Variants in C8orf34 observed in about 807,000 individuals in gnomAD.
C8orf34 encodes the protein chromosome 8 open reading frame 34, also known as uncharacterized protein C8orf34.
In C8orf34, 65 loss-of-function variants were observed where a neutral mutation model predicts 68.3. That is an observed-to-expected ratio of 0.95 (90% CI 0.78 to 1.17). The LOEUF (loss-of-function observed/expected upper bound fraction) is 1.17, where lower values mean the gene tolerates loss of function less well. Among genes scored for constraint, C8orf34 ranks in the 50% most tolerant of loss-of-function variants. C8orf34 has a pLI of 0.00. For synonymous variants in C8orf34, 244 were observed against 241.2 expected, an observed-to-expected ratio of 1.01 and a Z score of -0.11; for missense variants, 664 against 655.4, an observed-to-expected ratio of 1.01 and a Z score of -0.14.
At chr8:68,572,275 GC>G (rs1275139277) in intron 7 of C8orf34, among the ~76,000 whole-genome samples, 1 of 150,850 alleles carries the variant, frequency 6.6e-6, no homozygotes, top group Non-Finnish European at 1.5e-5. Flanking sequence ...AGTATTTCAA[GC>G]AAAAAATTTG....
intron 8 of C8orf34, among the ~76,000 whole-genome samples, chr8:68,675,925 G>C (rs1820174065): frequency 6.6e-6 from 1 of 152,090 alleles, no homozygotes; most frequent in African/African-American, 2.4e-5. Flanking sequence ...GACCAAAAAA[G>C]AGCAGGAGTA....
At chr8:68,673,907 C>T (rs1349366976) in intron 8 of C8orf34, among the ~76,000 whole-genome samples, 1 of 152,140 alleles carries the variant, frequency 6.6e-6, no homozygotes, top group Non-Finnish European at 1.5e-5. Flanking sequence ...TGTTACTCCT[C>T]CCCCAGCTCC....
At chr8:68,492,240 T>A (rs1813343697) in intron 5 of C8orf34, among the ~76,000 whole-genome samples, 1 of 152,114 alleles carries the variant, frequency 6.6e-6, no homozygotes, top group African/African-American at 2.4e-5. Flanking sequence ...TTTATTTTAT[T>A]TTTAATGGAG....
rs552564162 is a variant in C8orf34, at chr8:68,331,783, C to CTTTTTTTTTTTTTTTTTTTTTTTTTTTT, written c.327+446_327+473dup. Reference sequence around the variant, plus strand: ...CTTTTTTCTTTTCTTTTCTTTCCTTCTTTTTTTTTTTTTTTTTTTTTTTTT... The same window carrying CTTTTTTTTTTTTTTTTTTTTTTTTTTTT: ...CTTTTTTCTTTTCTTTTCTTTCCTTCTTTTTTTTTTTTTTTTTTTTTTTTTTTTTTTTTTTTTTTTTTTTTTTTTTTTT... On this transcript the variant is annotated intron_variant, in intron 1 of 13. Coordinates refer to ENST00000518698, the MANE Select transcript of C8orf34 (RefSeq NM_052958.4). Among the ~76,000 whole-genome samples, 20 of 29,468 alleles carry CTTTTTTTTTTTTTTTTTTTTTTTTTTTT rather than the reference C, an allele frequency of 6.8e-4. 4 individuals are homozygous for CTTTTTTTTTTTTTTTTTTTTTTTTTTTT. The highest frequency in any genetic ancestry group is 8.9e-4 in the Non-Finnish European group (13 of 14,630). The allele number at this position is 29,468 out of a possible 152,430, so 19.3% of individuals were successfully genotyped here.
intron 8 of C8orf34, among the ~76,000 whole-genome samples, chr8:68,652,037 C>T (rs1819375618): frequency 6.6e-6 from 1 of 152,160 alleles, no homozygotes; most frequent in Non-Finnish European, 1.5e-5. Context: ...CAGAGTCACA[C>T]ACAAAATGAG....
chr8:68,636,477 T>C (rs912545888), intron 7 of C8orf34, among the ~76,000 whole-genome samples: 9 of 151,356 alleles, frequency 5.9e-5, no homozygotes, highest in African/African-American at 2.2e-4. Flanking sequence ...CCCAGCTACT[T>C]AGGAGGCTGA....
chr8:68,537,917 T>C (rs563457501), intron 7 of C8orf34, among the ~76,000 whole-genome samples: 30 of 152,252 alleles, frequency 2.0e-4, no homozygotes, highest in African/African-American at 7.0e-4. Flanking sequence ...TTTTATGGTG[T>C]TTAGTAAGAA....
intron 1 of C8orf34, among the ~76,000 whole-genome samples, chr8:68,395,359 TCTCACACACA>T (rs1398983707): frequency 1.1e-4 from 1 of 8,912 alleles, no homozygotes; most frequent in African/African-American, 4.1e-4. Context: ...TCTGTGTGTC[TCTCACACACA>T]CACACACACA....
At position 68,745,078 on chromosome 8, in the gene C8orf34, T is replaced by C. The variant is rs796774635; in HGVS notation, c.1404+23641T>C. On this transcript the variant is annotated intron_variant, in intron 10 of 13. Coordinates refer to ENST00000518698, the MANE Select transcript of C8orf34 (RefSeq NM_052958.4). ...AGCCAGAAGAGAGTGGGGGCCAATA[T>C]TCAACATTCTTAAAGAAAAGAATTT... Among the ~76,000 whole-genome samples the C allele has an allele frequency of 1.9e-3, 295 of 152,206 alleles. 9 individuals carry two copies. The South Asian group carries it at 0.057, about 30-fold the overall frequency.
chr8:68,541,278 C>A (rs924123112), intron 7 of C8orf34, among the ~76,000 whole-genome samples: 1 of 151,792 alleles, frequency 6.6e-6, no homozygotes, highest in Non-Finnish European at 1.5e-5. Flanking sequence ...GCCTGGGCAG[C>A]ATAGAGAGAC....
At chr8:68,415,850 A>T (rs571410038) in intron 1 of C8orf34, among the ~76,000 whole-genome samples, 1 of 152,176 alleles carries the variant, frequency 6.6e-6, no homozygotes, top group Non-Finnish European at 1.5e-5. Flanking sequence ...GTGCTGTTAT[A>T]TACGTAGGGA....
chr8:68,696,146 A>G (rs1820827104), intron 8 of C8orf34, among the ~76,000 whole-genome samples: 1 of 151,418 alleles, frequency 6.6e-6, no homozygotes, highest in African/African-American at 2.4e-5. Flanking sequence ...AGCCTGTGTG[A>G]CAGTGAGATC....
chr8:68,740,623 T>C (rs941507385), intron 10 of C8orf34, among the ~76,000 whole-genome samples: 5 of 152,276 alleles, frequency 3.3e-5, no homozygotes, highest in Admixed American at 1.3e-4. Flanking sequence ...AAAGGAATGC[T>C]TATATGCTGT....
intron 8 of C8orf34, among the ~76,000 whole-genome samples, chr8:68,661,789 G>A (rs1819687505): frequency 6.6e-6 from 1 of 152,078 alleles, no homozygotes; most frequent in African/African-American, 2.4e-5. Flanking sequence ...GGGGTAGTTG[G>A]AGGTTCTCGG....
At chr8:68,520,877 T>C (rs1369742113) in intron 5 of C8orf34, among the ~76,000 whole-genome samples, 1 of 152,232 alleles carries the variant, frequency 6.6e-6, no homozygotes, top group Non-Finnish European at 1.5e-5. Flanking sequence ...AAAATATATT[T>C]TTCTCATTAC....
chr8:68,438,820 C>T (rs1810775853), intron 1 of C8orf34: 1 of 152,124 alleles, frequency 6.6e-6, no homozygotes, highest in African/African-American at 2.4e-5. Flanking sequence ...AGATTTCAGC[C>T]CAACTTAAAG....
chr8:68,603,562 T>TATCTATCTATC (rs1563555914), intron 7 of C8orf34, among the ~76,000 whole-genome samples: 2 of 103,248 alleles, frequency 1.9e-5, no homozygotes, highest in Non-Finnish European at 3.7e-5. Context: ...TCTATCTATC[T>TATCTATCTATC]ATCTATCTAT....
In C8orf34 at chr8:68,709,084, G is replaced by A; in HGVS notation, c.1327+5G>A. ...AAAAAATCCCAGATTCATTCGGTAA[G>A]TTTTAAGTCCAACAATATTTATTGC... is the stretch of plus-strand genomic sequence containing the variant. On this transcript the variant is annotated splice_donor_5th_base_variant and intron_variant, in intron 9 of 13. Transcript: ENST00000518698. 1 of 1,604,838 alleles carries A rather than the reference G, an allele frequency of 6.2e-7. No homozygotes were observed. Among genetic ancestry groups the A allele is most frequent in the South Asian group, 1.1e-5 (1 of 90,638 alleles).
chr8:68,567,620 A>C (rs1417723718), intron 7 of C8orf34, among the ~76,000 whole-genome samples: 1 of 70,614 alleles, frequency 1.4e-5, no homozygotes, highest in Non-Finnish European at 2.5e-5. Flanking sequence ...TTTGAGGAGG[A>C]GTCTTGCTCT....
Sources: gnomAD v4.1 joint callset for allele counts (sites outside exome capture counted in the v4.1 genomes callset) on GRCh38, gnomAD v4.1.1 for gene constraint, MANE v1.5 for transcripts, NCBI Gene and HGNC (gene_info 2026-07-23, HGNC 2026-07-21) for gene names.